Variants in LPP observed in about 807,000 individuals in gnomAD.
LPP encodes lipoma-preferred partner.
In LPP, 38 loss-of-function variants were observed where a neutral mutation model predicts 60.4. That is an observed-to-expected ratio of 0.63 (90% CI 0.49 to 0.83). The LOEUF is 0.83. LPP is among the 40% of genes least tolerant of loss of function. The probability of loss-of-function intolerance (pLI) is 0.00; values close to 1 mark genes in which losing one functional copy is unlikely to be tolerated. For synonymous variants in LPP, 328 were observed against 290.8 expected (o/e 1.13, Z -1.30); for missense variants, 902 against 783.6 (o/e 1.15, Z -1.80).
chr3:188,802,982 G>A (rs1177070059), intron 9 of LPP, among the ~76,000 whole-genome samples: 1 of 150,086 alleles, frequency 6.7e-6, no homozygotes, highest in Admixed American at 6.6e-5. Flanking sequence ...TTTCCTAAAA[G>A]TGATCACTAT....
chr3:188,866,683 T>TCCTGG (rs1442143894), intron 10 of LPP, among the ~76,000 whole-genome samples: 2 of 152,154 alleles, frequency 1.3e-5, no homozygotes, highest in Admixed American at 1.3e-4. Flanking sequence ...AGAAACAGGA[T>TCCTGG]CCTGGCCTAA....
chr3:188,867,647 G>A (rs963032654), intron 10 of LPP, among the ~76,000 whole-genome samples: 4 of 152,106 alleles, frequency 2.6e-5, no homozygotes, highest in African/African-American at 4.8e-5. Context: ...CCCAGCCAAC[G>A]TTTGGTTTAT....
At chr3:188,507,206 A>T (rs1369236882) in intron 5 of LPP, among the ~76,000 whole-genome samples, 1 of 152,168 alleles carries the variant, frequency 6.6e-6, no homozygotes, top group African/African-American at 2.4e-5. Context: ...CTGGGAAAGG[A>T]CTATGAAGTC....
intron 10 of LPP, among the ~76,000 whole-genome samples, chr3:188,870,603 A>G (rs1266363284): frequency 2.0e-5 from 3 of 152,254 alleles, no homozygotes; most frequent in Non-Finnish European, 4.4e-5. Flanking sequence ...AGCACTTAAC[A>G]GGGCTTGGCA....
intron 2 of LPP, among the ~76,000 whole-genome samples, chr3:188,284,118 G>A (rs1743102774): frequency 6.6e-6 from 1 of 151,976 alleles, no homozygotes; most frequent in African/African-American, 2.4e-5. Flanking sequence ...TCGGCCGGAC[G>A]CAGTGGCTCA....
chr3:188,595,410 G>A (rs377572742), intron 6 of LPP, among the ~76,000 whole-genome samples: 21 of 152,230 alleles, frequency 1.4e-4, no homozygotes, highest in Middle Eastern at 3.4e-3. Flanking sequence ...TCAGTCATTC[G>A]TATCCCCCAG....
In LPP at chr3:188,292,493, T is replaced by C. The variant is rs577023422; in HGVS notation, c.-66-49170T>C. 1.2e-3 allele frequency among the ~76,000 whole-genome samples: 188 copies of C among 152,326 alleles called. 1 individual carries two copies. Among genetic ancestry groups the C allele is most frequent in the South Asian group, 5.2e-3 (25 of 4,830 alleles). On this transcript the variant is annotated intron_variant, in intron 2 of 11. Coordinates refer to ENST00000617246, the MANE Select transcript of LPP (RefSeq NM_001375462.1). ...GAAGACTGGACATGTCGTCAGAATA[T>C]AGAGCAAGAGGGATGGAATATGCTC...
chr3:188,771,241 C>A (rs1735854047), intron 9 of LPP, among the ~76,000 whole-genome samples: 1 of 151,422 alleles, frequency 6.6e-6, no homozygotes. Context: ...GTGATCTTAT[C>A]AAAAAAAATT....
intron 1 of LPP, among the ~76,000 whole-genome samples, chr3:188,155,111 G>A (rs1158499278): frequency 6.6e-6 from 1 of 152,124 alleles, no homozygotes; most frequent in Non-Finnish European, 1.5e-5. Context: ...TGGGGATGGG[G>A]GAGGTTGTGA....
chr3:188,684,060 T>C (rs921693383), intron 7 of LPP, among the ~76,000 whole-genome samples: 2 of 152,246 alleles, frequency 1.3e-5, no homozygotes, highest in African/African-American at 4.8e-5. Context: ...CTGAAGATTC[T>C]GCAGTCAAAC....
rs758492053 is a variant in LPP at position 188,708,374 on chromosome 3, A to G, written c.1221A>G (p.Pro407=). Residue 407 remains proline (P), a synonymous_variant, in exon 8 of 12, where the codon CCA becomes CCG. Transcript: ENST00000617246. ...AGATGCTGTATGACATGGAAAATCCACCTGCTGACGAATACTTTGGTGAGT... is the reference window on the plus strand; with the variant it reads ...AGATGCTGTATGACATGGAAAATCCGCCTGCTGACGAATACTTTGGTGAGT... ...TKKMLYDMEN[P]PADEYFGRCA... is the part of the protein sequence containing the mutation. 34 of 1,613,974 alleles carry G rather than the reference A, an allele frequency of 2.1e-5. No homozygotes were observed. The highest frequency in any genetic ancestry group is 2.8e-5 in the Non-Finnish European group (33 of 1,179,990).
At chr3:188,614,452 A>G (rs183197414) in intron 7 of LPP, among the ~76,000 whole-genome samples, 3 of 152,250 alleles carry the variant, frequency 2.0e-5, no homozygotes, top group African/African-American at 7.2e-5. Context: ...GAAGATGAGA[A>G]TGGTAGATAT....
intron 1 of LPP, chr3:188,179,215 C>T (rs1041435505): frequency 2.2e-6 from 1 of 457,504 alleles, no homozygotes. Flanking sequence ...GAATTTGCCA[C>T]CGTGAAGAGC....
At chr3:188,792,001 A>C (rs1287751389) in intron 9 of LPP, among the ~76,000 whole-genome samples, 2 of 152,106 alleles carry the variant, frequency 1.3e-5, no homozygotes, top group Non-Finnish European at 2.9e-5. Context: ...TCTAGTGAGT[A>C]AGCGCCTAAG....
intron 7 of LPP, among the ~76,000 whole-genome samples, chr3:188,684,622 A>G (rs1244788656): frequency 6.7e-6 from 1 of 149,044 alleles, no homozygotes; most frequent in East Asian, 1.9e-4. Flanking sequence ...CAGCAAATAG[A>G]ATCTGTTGTT....
chr3:188,153,483 T>C (rs1715105889), upstream of LPP: 1 of 152,282 alleles, frequency 6.6e-6, no homozygotes, highest in South Asian at 2.1e-4. Context: ...GCCTTAATAG[T>C]AGACGCAGGC....
intron 8 of LPP, among the ~76,000 whole-genome samples, chr3:188,714,674 T>A (rs938539446): frequency 6.6e-6 from 1 of 152,186 alleles, no homozygotes; most frequent in African/African-American, 2.4e-5. Flanking sequence ...CTTGTGACTG[T>A]CGCATTACAG....
chr3:188,424,921 T>C (rs1452299338), intron 4 of LPP, among the ~76,000 whole-genome samples: 2 of 152,208 alleles, frequency 1.3e-5, no homozygotes, highest in Admixed American at 6.5e-5. Context: ...CTCTTCCTAT[T>C]TGAATATTCT....
At position 188,462,544 on chromosome 3, in the gene LPP, T is replaced by TATATATATAAATATATATATATA. The variant is rs1799236891; in HGVS notation, c.194-22048_194-22047insATATATATAAATATATATATATA. ...TAAATTTAGCCAATTTATATGAGCT[T>TATATATATAAATATATATATATA]TATATATATATATATATATATATAT... On this transcript the variant is annotated intron_variant, in intron 4 of 11. Transcript: ENST00000617246. Among the ~76,000 whole-genome samples, 4 of 34,188 alleles carry TATATATATAAATATATATATATA rather than the reference T, an allele frequency of 1.2e-4. 1 individual carries two copies. The highest frequency in any genetic ancestry group is 1.3e-4 in the Non-Finnish European group (2 of 15,476). The allele number at this position is 34,188 out of a possible 152,430, so 22.4% of individuals were successfully genotyped here.
Sources: allele counts gnomAD v4.1 joint callset (sites outside exome capture counted in the v4.1 genomes callset), GRCh38; gene constraint gnomAD v4.1.1; transcripts MANE v1.5; gene names NCBI Gene and HGNC (gene_info 2026-07-23, HGNC 2026-07-21).